Variants in OR4K17 observed in about 807,000 individuals in gnomAD.
The protein encoded by OR4K17 is olfactory receptor family 4 subfamily K member 17.
For synonymous variants in OR4K17, 157 were observed against 132.8 expected (o/e 1.18, Z -1.25); for missense variants, 480 against 366.3 (o/e 1.31, Z -2.53).
At chr14:20,113,320 C>T (rs1877920740) in intron 1 of OR4K17, among the ~76,000 whole-genome samples, 1 of 151,914 alleles carries the variant, frequency 6.6e-6, no homozygotes. Flanking sequence ...ATTGTATTAT[C>T]AACAATTATA....
At chr14:20,114,326 C>A (rs1308707972) in intron 1 of OR4K17, among the ~76,000 whole-genome samples, 1 of 151,850 alleles carries the variant, frequency 6.6e-6, no homozygotes, top group Non-Finnish European at 1.5e-5. Context: ...CATATTTTCT[C>A]CCTTCTCCTC....
intron 1 of OR4K17, among the ~76,000 whole-genome samples, chr14:20,111,748 T>C (rs1392165257): frequency 6.6e-6 from 1 of 152,012 alleles, no homozygotes; most frequent in Admixed American, 6.6e-5. Flanking sequence ...TATAAGTATA[T>C]GCCAAACAAA....
At chr14:20,112,695 A>G (rs1877906959) in intron 1 of OR4K17, among the ~76,000 whole-genome samples, 1 of 152,052 alleles carries the variant, frequency 6.6e-6, no homozygotes. Context: ...TGTTTTCCTC[A>G]GAGAAGGTTT....
Position 20,118,319 on chromosome 14 carries a change from T to C in OR4K17, c.820T>C (p.Phe274Leu). Residue 274 changes from phenylalanine to leucine, a missense_variant, in exon 2 of 2, where the codon TTT becomes CTT. Transcript: ENST00000641386. Reference sequence around the variant, plus strand: ...CTCTGTAGATAAGTTCCTTGCTGTGTTTTATACCATCATCACTCCTATCTT... The same window carrying C: ...CTCTGTAGATAAGTTCCTTGCTGTGCTTTATACCATCATCACTCCTATCTT... The part of the protein sequence containing the change: ...NHSVDKFLAV[F>L]YTIITPILNP... 2.5e-6 allele frequency: 4 copies of C among 1,613,122 alleles called. No homozygotes were observed. Among genetic ancestry groups the C allele is most frequent in the Non-Finnish European group, 3.4e-6 (4 of 1,179,102 alleles).
Position 20,117,508 on chromosome 14 carries a change from A to G in OR4K17, c.9A>G (p.Leu3=). The G allele has an allele frequency of 2.5e-6, 4 of 1,613,828 alleles. No individual in the cohort carries two copies. The highest frequency in any genetic ancestry group is 3.4e-6 in the Non-Finnish European group (4 of 1,179,798). The change falls in exon 2 of 2, where the codon CTA becomes CTG. Residue 3 remains leucine (L), a synonymous_variant. Coordinates refer to ENST00000641386, the MANE Select transcript of OR4K17 (RefSeq NM_001004715.5). ...GCTGTAGGATGGAGGCCATGAAACT[A>G]TTAAATCAATCTCAAGTGTCAGAAT... is the stretch of plus-strand genomic sequence containing the variant. MK[L]LNQSQVSEFI...
At chr14:20,117,363 G>A (rs780685039) in intron 1 of OR4K17, 105 bp from the exon 2 acceptor site, 23 of 1,365,306 alleles carry the variant, frequency 1.7e-5, no homozygotes, top group South Asian at 2.8e-5. Context: ...TTCAAGGTCC[G>A]TTTATTGAAA....
chr14:20,111,570 A>C (rs758149138), intron 1 of OR4K17, among the ~76,000 whole-genome samples: 4 of 152,038 alleles, frequency 2.6e-5, no homozygotes, highest in Non-Finnish European at 5.9e-5. Flanking sequence ...ATTTAAGAGC[A>C]TGTAAGCATT....
At chr14:20,115,576 C>G (rs1397518350) in intron 1 of OR4K17, among the ~76,000 whole-genome samples, 1 of 152,012 alleles carries the variant, frequency 6.6e-6, no homozygotes, top group African/African-American at 2.4e-5. Context: ...TTTTGTGTAT[C>G]TACAGTACTG....
chr14:20,117,307 G>A (rs1331611024), intron 1 of OR4K17, 161 bp from the exon 2 acceptor site: 1 of 805,268 alleles, frequency 1.2e-6, no homozygotes, highest in South Asian at 1.8e-5. Context: ...GGACAGCTCA[G>A]ACTATACGTC....
At chr14:20,116,175 C>A (rs1296471869) in intron 1 of OR4K17, among the ~76,000 whole-genome samples, 1 of 152,086 alleles carries the variant, frequency 6.6e-6, no homozygotes, top group Non-Finnish European at 1.5e-5. Flanking sequence ...CCCAGTCTGC[C>A]ATCTTCATTT....
Position 20,119,480 on chromosome 14 carries a change from T to C in OR4K17, c.*1042T>C, listed in dbSNP as rs943024653. ...TAGTAAAGACAGGCATGAGAAATTATACAAATATTAATTTGGGGAACTAAT... is the reference window on the plus strand; with the variant it reads ...TAGTAAAGACAGGCATGAGAAATTACACAAATATTAATTTGGGGAACTAAT... On this transcript the variant is annotated 3_prime_UTR_variant, in exon 2 of 2. Coordinates refer to ENST00000641386, the MANE Select transcript of OR4K17 (RefSeq NM_001004715.5). 1.3e-5 allele frequency: 2 copies of C among 152,226 alleles called. No individual in the cohort carries two copies. Among genetic ancestry groups the C allele is most frequent in the African/African-American group, 4.8e-5 (2 of 41,460 alleles). The allele number at this position is 152,226 out of a possible 1,614,324, so 9.4% of individuals were successfully genotyped here.
In OR4K17 at chr14:20,121,717, A is replaced by G. The variant is rs546177602; in HGVS notation, c.*3279A>G. The stretch of plus-strand genomic sequence containing the variant: ...ACGAAAGAGAAAGATGAAGCAAAAG[A>G]AAAGGAAGGGAACAAAGAGTGTAAA... On this transcript the variant is annotated 3_prime_UTR_variant, in exon 2 of 2. Coordinates refer to ENST00000641386, the MANE Select transcript of OR4K17 (RefSeq NM_001004715.5). The G allele has an allele frequency of 1.3e-5, 2 of 152,218 alleles. No individual in the cohort carries two copies. The highest frequency in any genetic ancestry group is 2.1e-4 in the South Asian group (1 of 4,830). The allele number at this position is 152,218 out of a possible 1,614,324, so 9.4% of individuals were successfully genotyped here.
rs757472742 is a variant in OR4K17 at position 20,118,150 on chromosome 14, C to T, written c.651C>T (p.Ser217=). ...GCTGTTTCATTATTTTGCTTATCTC[C>T]TACAGTCTGATCCTCATAACCATTA... is the stretch of plus-strand genomic sequence containing the variant. ...SLSCFIILLI[S]YSLILITIKN... The change falls in exon 2 of 2, where the codon TCC becomes TCT. Residue 217 remains serine (S), a synonymous_variant. Transcript: ENST00000641386. 4.3e-6 allele frequency: 7 copies of T among 1,614,012 alleles called. No homozygotes were observed. In the Admixed American group the frequency reaches 1.0e-4, roughly 23 times the overall value.
At chr14:20,114,389 G>A (rs1877943237) in intron 1 of OR4K17, among the ~76,000 whole-genome samples, 1 of 151,822 alleles carries the variant, frequency 6.6e-6, no homozygotes, top group Non-Finnish European at 1.5e-5. Context: ...ATCCAATTTG[G>A]AGTTAATTTT....
rs566933853 is a variant in OR4K17, at chr14:20,120,573, A to G, written c.*2135A>G. On this transcript the variant is annotated 3_prime_UTR_variant, in exon 2 of 2. Coordinates refer to ENST00000641386, the MANE Select transcript of OR4K17 (RefSeq NM_001004715.5). ...CTACCTCAAACTCAGAGCCACTGCAACTCTGCACTTACCCATACTTCCGTC... is the reference window on the plus strand; with the variant it reads ...CTACCTCAAACTCAGAGCCACTGCAGCTCTGCACTTACCCATACTTCCGTC... 1 of 152,184 alleles carries G rather than the reference A, an allele frequency of 6.6e-6. No individual in the cohort carries two copies. The highest frequency in any genetic ancestry group is 1.5e-5 in the Non-Finnish European group (1 of 68,088). 9.4% of individuals were successfully genotyped at this position (152,184 alleles called of 1,614,324 possible).
At position 20,122,029 on chromosome 14, in the gene OR4K17, A is replaced by C. The variant is rs1297367451; in HGVS notation, c.*3591A>C. 1 of 152,126 alleles carries C rather than the reference A, an allele frequency of 6.6e-6. No individual in the cohort carries two copies. Among genetic ancestry groups the C allele is most frequent in the Non-Finnish European group, 1.5e-5 (1 of 67,982 alleles). The allele number at this position is 152,126 out of a possible 1,614,324, so 9.4% of individuals were successfully genotyped here. On this transcript the variant is annotated 3_prime_UTR_variant, in exon 2 of 2. Transcript: ENST00000641386. ...CTGTGACATTTTGTATAAGGGACTTAAGCATCTATAGATTTTGATAATCAC... is the reference window on the plus strand; with the variant it reads ...CTGTGACATTTTGTATAAGGGACTTCAGCATCTATAGATTTTGATAATCAC...
At chr14:20,116,557 G>A (rs1245269849) in intron 1 of OR4K17, among the ~76,000 whole-genome samples, 1 of 152,070 alleles carries the variant, frequency 6.6e-6, no homozygotes, top group Non-Finnish European at 1.5e-5. Flanking sequence ...TGTTAAACCT[G>A]GTTTGCTCAA....
Position 20,117,997 on chromosome 14 carries a change from G to T in OR4K17, c.498G>T (p.Leu166Phe). The stretch of plus-strand genomic sequence containing the variant: ...TTCAGATACCATTTGCTGTGAACTT[G>T]CCCTTTTGTGGTCCCAATGTGGTAG... ...SGFQIPFAVNLPFCGPNVVDS... is the reference protein window; with the variant it reads ...SGFQIPFAVNFPFCGPNVVDS... The change falls in exon 2 of 2, where the codon TTG becomes TTT. Residue 166 changes from leucine (L) to phenylalanine (F), a missense_variant. Leu to Phe is a conservative substitution (Grantham distance 22). Coordinates refer to ENST00000641386, the MANE Select transcript of OR4K17 (RefSeq NM_001004715.5). 1 of 1,614,130 alleles carries T rather than the reference G, an allele frequency of 6.2e-7. No homozygotes were observed. The highest frequency in any genetic ancestry group is 2.2e-5 in the East Asian group (1 of 44,880).
In OR4K17 at chr14:20,117,822, G is replaced by T. The variant is rs200936790; in HGVS notation, c.323G>T (p.Gly108Val). Residue 108 changes from glycine to valine, a missense_variant, in exon 2 of 2, where the codon GGT becomes GTT. Physicochemically the swap from Gly to Val is moderately radical, Grantham distance 109. Transcript: ENST00000641386. ...CAGATATTTCTCCTTCACTTACTGG[G>T]TGGGGTTGAAATGGTACTGTTGGTC... Reference protein sequence around the residue: ...FTQIFLLHLLGGVEMVLLVSM... With the variant: ...FTQIFLLHLLVGVEMVLLVSM... The T allele has an allele frequency of 6.2e-7, 1 of 1,614,050 alleles. No homozygotes were observed. The highest frequency in any genetic ancestry group is 8.5e-7 in the Non-Finnish European group (1 of 1,180,010).
Sources: allele counts gnomAD v4.1 joint callset (sites outside exome capture counted in the v4.1 genomes callset), GRCh38; gene constraint gnomAD v4.1.1; transcripts MANE v1.5; gene names NCBI Gene and HGNC (gene_info 2026-07-23, HGNC 2026-07-21).